Variants in TGM7 observed in about 807,000 individuals in gnomAD.
TGM7 encodes protein-glutamine gamma-glutamyltransferase Z.
TGM7 carries 74 observed loss-of-function variants against 79.5 expected under a neutral mutation model. The ratio of observed to expected loss-of-function variants is 0.93; its 90% CI spans 0.77 to 1.13. The LOEUF (loss-of-function observed/expected upper bound fraction) is 1.13. TGM7 is among the 50% of genes most tolerant of loss of function. The pLI is 0.00. For synonymous variants in TGM7, 354 were observed against 362.5 expected (o/e 0.98, Z 0.27); for missense variants, 912 against 905.9 (o/e 1.01, Z -0.09).
At chr15:43,301,855 A>AGGGAGAGGTCTAGGGTCT (rs2043026938) in intron 1 of TGM7, among the ~76,000 whole-genome samples, 2 of 152,032 alleles carry the variant, frequency 1.3e-5, no homozygotes, top group Non-Finnish European at 1.5e-5. Flanking sequence ...AAGCTGGACA[A>AGGGAGAGGTCTAGGGTCT]GGGAGAGGTC....
chr15:43,288,230 A>G (rs1221921008), intron 4 of TGM7, among the ~76,000 whole-genome samples: 1 of 152,228 alleles, frequency 6.6e-6, no homozygotes, highest in Non-Finnish European at 1.5e-5. Flanking sequence ...GTTTGTCACA[A>G]TGCTTTGGCT....
intron 7 of TGM7, among the ~76,000 whole-genome samples, chr15:43,284,112 T>C (rs1425131294): frequency 6.6e-6 from 1 of 152,128 alleles, no homozygotes; most frequent in Non-Finnish European, 1.5e-5. Flanking sequence ...GGCAGGAGAA[T>C]TGCTTGAACC....
At chr15:43,292,170 A>G in intron 3 of TGM7, 73 bp from the exon 4 acceptor site, 1 of 1,023,550 alleles carries the variant, frequency 9.8e-7, no homozygotes, top group Non-Finnish European at 1.5e-6. Context: ...AAAAAACAGT[A>G]ACGACAACGT....
Position 43,281,840 on chromosome 15 carries a change from G to A in TGM7, c.1351+4C>T. ...AGCCCTTTCCCCAAATACCCGCCCAGCACCTTCTGGGTACTTGTAGGAGCT... is the reference window on the plus strand; with the variant it reads ...AGCCCTTTCCCCAAATACCCGCCCAACACCTTCTGGGTACTTGTAGGAGCT... On this transcript the variant is annotated splice_donor_region_variant and intron_variant, in intron 9 of 12. Transcript: ENST00000452443. 6.2e-7 allele frequency: 1 copy of A among 1,613,550 alleles called. No homozygotes were observed. The highest frequency in any genetic ancestry group is 8.5e-7 in the Non-Finnish European group (1 of 1,179,502).
intron 1 of TGM7, among the ~76,000 whole-genome samples, chr15:43,301,093 C>G (rs1422147184): frequency 6.6e-6 from 1 of 152,042 alleles, no homozygotes; most frequent in Non-Finnish European, 1.5e-5. Context: ...TGCAGTCCTC[C>G]CGCCTCAGCC....
intron 1 of TGM7, among the ~76,000 whole-genome samples, chr15:43,299,443 A>G (rs2043015944): frequency 6.6e-6 from 1 of 152,252 alleles, no homozygotes. Context: ...TGGCAGGCTA[A>G]TAAACATTTA....
chr15:43,277,070 C>T, intron 11 of TGM7, 75 bp from the exon 12 acceptor site: 1 of 1,561,196 alleles, frequency 6.4e-7, no homozygotes, highest in African/African-American at 1.4e-5. Flanking sequence ...ACCCCCACCC[C>T]CAGGTCCCTG....
intron 4 of TGM7, among the ~76,000 whole-genome samples, chr15:43,288,698 G>A (rs558648591): frequency 3.1e-4 from 47 of 152,280 alleles, no homozygotes; most frequent in African/African-American, 1.1e-3. Context: ...GAGAGGCCGA[G>A]GCAGGTGGAT....
intron 6 of TGM7, among the ~76,000 whole-genome samples, chr15:43,285,677 G>T (rs1234901451): frequency 6.6e-6 from 1 of 152,140 alleles, no homozygotes; most frequent in Non-Finnish European, 1.5e-5. Context: ...TAGAGACAGT[G>T]GAAACCGTCA....
chr15:43,282,408 G>C, intron 8 of TGM7, 109 bp downstream of exon 8: 1 of 957,410 alleles, frequency 1.0e-6, no homozygotes, highest in Non-Finnish European at 1.6e-6. Context: ...ACCTCGGGAA[G>C]AGGGTGCCGT....
chr15:43,299,574 G>T (rs1423246920), intron 1 of TGM7, among the ~76,000 whole-genome samples: 1 of 152,220 alleles, frequency 6.6e-6, no homozygotes. Flanking sequence ...GGTGAGGTTG[G>T]CACGCTCTAG....
chr15:43,293,450 G>T lies in TGM7; in HGVS notation c.192C>A (p.Thr64=). 1 of 1,597,720 alleles carries T rather than the reference G, an allele frequency of 6.3e-7. No homozygotes were observed. Among genetic ancestry groups the T allele is most frequent in the Admixed American group, 1.7e-5 (1 of 59,320 alleles). ...GGCCTTGGGACAGGGCAAACTCACC[G>T]GTCTCAGCCACAAAGGTGATGTGGT... The part of the protein sequence containing the change: ...QNDHITFVAE[T]GPKPSELLGT... Residue 64 remains threonine (T), a splice_region_variant and synonymous_variant, in exon 2 of 13, where the codon ACC becomes ACA. Coordinates refer to ENST00000452443, the MANE Select transcript of TGM7 (RefSeq NM_052955.3).
At chr15:43,300,835 T>C (rs1037484538) in intron 1 of TGM7, among the ~76,000 whole-genome samples, 22 of 152,192 alleles carry the variant, frequency 1.4e-4, no homozygotes, top group Admixed American at 6.5e-5. Context: ...ATAACTGTTT[T>C]AGACTTATTC....
At chr15:43,294,063 C>T (rs2042980702) in intron 1 of TGM7, among the ~76,000 whole-genome samples, 1 of 152,088 alleles carries the variant, frequency 6.6e-6, no homozygotes, top group Non-Finnish European at 1.5e-5. Context: ...TGAAGTGCCG[C>T]TGCATGCTCT....
chr15:43,294,354 A>C lies in TGM7; in HGVS notation c.11-723T>G, dbSNP rs1188952115. On this transcript the variant is annotated intron_variant, in intron 1 of 12. Coordinates refer to ENST00000452443, the MANE Select transcript of TGM7 (RefSeq NM_052955.3). The stretch of plus-strand genomic sequence containing the variant: ...GTAAAACTCTCATAGCACAGTAGGC[A>C]GTGGGCAGGTTCTGGACTGACACAG... 2.0e-5 allele frequency among the ~76,000 whole-genome samples: 3 copies of C among 152,230 alleles called. No individual in the cohort carries two copies. In the East Asian group the frequency reaches 5.8e-4, roughly 29 times the overall value.
chr15:43,291,326 A>G (rs1298816691), intron 4 of TGM7, among the ~76,000 whole-genome samples: 1 of 152,162 alleles, frequency 6.6e-6, no homozygotes, highest in Non-Finnish European at 1.5e-5. Context: ...ATAATCATGC[A>G]GTTTTTGTCG....
Position 43,292,879 on chromosome 15 carries a change from C to T in TGM7, c.269G>A (p.Ser90Asn), listed in dbSNP as rs756714532. The change falls in exon 3 of 13, where the codon AGC becomes AAC. Residue 90 changes from serine to asparagine, a missense_variant. By Grantham distance (46) the Ser-to-Asn change is conservative. Transcript: ENST00000452443. The stretch of plus-strand genomic sequence containing the variant: ...GGAGTCAATGGTGAAATCAGAAGCG[C>T]TCCAGACATTCCCGGGCTGGACCCG... ...LTRVQPGNVW[S>N]ASDFTIDSNS... is the part of the protein sequence containing the mutation. 16 of 1,613,878 alleles carry T rather than the reference C, an allele frequency of 9.9e-6. No homozygotes were observed. Among genetic ancestry groups the T allele is most frequent in the African/African-American group, 4.0e-5 (3 of 74,936 alleles).
Position 43,276,997 on chromosome 15 carries a change from T to C in TGM7, c.1840-2A>G. The C allele has an allele frequency of 1.2e-6, 2 of 1,613,722 alleles. No homozygotes were observed. The highest frequency in any genetic ancestry group is 1.1e-5 in the South Asian group (1 of 91,046). ...GCCCACCTCAGCCCTCTCAGACACC[T>C]GTGTGGAGAGAAGTCAGCAATCCCA... On this transcript the variant is annotated splice_acceptor_variant, in intron 11 of 12. Transcript: ENST00000452443. LOFTEE classifies it high-confidence loss of function.
At chr15:43,301,022 C>G (rs1461835772) in intron 1 of TGM7, among the ~76,000 whole-genome samples, 2 of 151,948 alleles carry the variant, frequency 1.3e-5, no homozygotes, top group Non-Finnish European at 2.9e-5. Flanking sequence ...CACTTTTTCT[C>G]CCAGGCCGGA....
Sources: allele counts gnomAD v4.1 joint callset (sites outside exome capture counted in the v4.1 genomes callset), GRCh38; gene constraint gnomAD v4.1.1; transcripts MANE v1.5; gene names NCBI Gene and HGNC (gene_info 2026-07-23, HGNC 2026-07-21).